PAGE2B: variants seen among roughly 807,000 people sequenced by gnomAD.
PAGE2B encodes the protein PAGE family member 2B.
In PAGE2B, 5 loss-of-function variants were observed where a neutral mutation model predicts 7.6. The ratio of observed to expected loss-of-function variants is 0.66; its 90% CI spans 0.34 to 1.38. The LOEUF is 1.38. Ranked by LOEUF, PAGE2B falls within the 40% of genes most tolerant of loss-of-function variation. The pLI, the probability that PAGE2B is intolerant of heterozygous loss-of-function variation, is 0.04. For missense variants in PAGE2B, 70 were observed against 78.4 expected, an observed-to-expected ratio of 0.89 and a Z score of 0.41; for synonymous variants, 29 against 26.7, an observed-to-expected ratio of 1.09 and a Z score of -0.27.
chrX:55,074,421 C>T (rs977773681), upstream of PAGE2B, among the ~76,000 whole-genome samples: 2 of 111,477 alleles, frequency 1.8e-5, no homozygotes, highest in Non-Finnish European at 3.8e-5. Flanking sequence ...ATAAACAACT[C>T]AATGGAAGAA....
upstream of PAGE2B, among the ~76,000 whole-genome samples, chrX:55,071,042 C>G (rs1448174362): frequency 8.9e-6 from 1 of 111,963 alleles, no homozygotes; most frequent in East Asian, 2.8e-4. Flanking sequence ...CATTTAAGGT[C>G]AATATTGTTA....
chrX:55,073,056 C>T (rs1260799946), upstream of PAGE2B, among the ~76,000 whole-genome samples: 1 of 111,315 alleles, frequency 9.0e-6, no homozygotes, highest in Non-Finnish European at 1.9e-5. Context: ...GGATTCAGCC[C>T]CCTTTCCAGG....
At chrX:55,065,026 C>T in the PAGE2B span, among the ~76,000 whole-genome samples, 1 of 111,713 alleles carries the variant, frequency 9.0e-6, no homozygotes, top group African/African-American at 3.3e-5. Context: ...TATTCTGAAG[C>T]TGTTGGATAA....
At chrX:55,042,174 A>G in the PAGE2B span, among the ~76,000 whole-genome samples, 418 of 110,889 alleles carry the variant, frequency 3.8e-3, 1 homozygote, top group Middle Eastern at 0.014. Flanking sequence ...TCCTCCAAAA[A>G]TCTCCTAGGA....
At chrX:55,048,986 A>T in the PAGE2B span, among the ~76,000 whole-genome samples, 2 of 111,783 alleles carry the variant, frequency 1.8e-5, no homozygotes, top group Non-Finnish European at 3.8e-5. Context: ...TCCCATCAAT[A>T]CCTAATTTAT....
the PAGE2B span, among the ~76,000 whole-genome samples, chrX:55,031,935 T>C: frequency 9.0e-6 from 1 of 111,672 alleles, no homozygotes; most frequent in Non-Finnish European, 1.9e-5. Flanking sequence ...TACATATTGA[T>C]TTGCAATTTC....
the PAGE2B span, among the ~76,000 whole-genome samples, chrX:55,051,006 G>A: frequency 7.2e-5 from 8 of 111,204 alleles, no homozygotes; most frequent in East Asian, 1.1e-3. Context: ...CAGGCCTGGC[G>A]GTGACAAAAT....
chrX:55,058,793 T>C, the PAGE2B span, among the ~76,000 whole-genome samples: 1 of 111,310 alleles, frequency 9.0e-6, no homozygotes, highest in Non-Finnish European at 1.9e-5. Flanking sequence ...GACTGTGTTT[T>C]TCTGCCTCCC....
At chrX:55,076,199 G>T in intron 2 of PAGE2B, 74 bp downstream of exon 2, 1 of 1,062,206 alleles carries the variant, frequency 9.4e-7, no homozygotes, top group Non-Finnish European at 1.3e-6. Flanking sequence ...TAGTGTACAC[G>T]CACTGATACA....
At chrX:55,070,194 A>G (rs60003119), upstream of PAGE2B, among the ~76,000 whole-genome samples, 8,676 of 110,993 alleles carry the variant, frequency 0.078, 792 homozygotes, top group African/African-American at 0.26. Context: ...ATTTCCCTCT[A>G]CACACTGCTT....
At chrX:55,075,536 G>A (rs1490286523) in intron 1 of PAGE2B, among the ~76,000 whole-genome samples, 1 of 111,052 alleles carries the variant, frequency 9.0e-6, no homozygotes, top group Non-Finnish European at 1.9e-5. Flanking sequence ...GGTCTGTAGA[G>A]TGCCTGGCAG....
the PAGE2B span, among the ~76,000 whole-genome samples, chrX:55,033,430 A>G: frequency 9.0e-6 from 1 of 111,203 alleles, no homozygotes; most frequent in African/African-American, 3.3e-5. Context: ...TTAGAGGAAA[A>G]TGTCTCATTT....
At chrX:55,052,633 G>T in the PAGE2B span, among the ~76,000 whole-genome samples, 14 of 112,934 alleles carry the variant, frequency 1.2e-4, no homozygotes, top group African/African-American at 4.5e-4. Context: ...ATCTCCTGGT[G>T]TGCCATTTGT....
chrX:55,065,361 A>C, the PAGE2B span, among the ~76,000 whole-genome samples: 2 of 111,432 alleles, frequency 1.8e-5, no homozygotes, highest in Non-Finnish European at 3.8e-5. Flanking sequence ...TGATATTAAG[A>C]TAGCTACTCC....
the PAGE2B span, among the ~76,000 whole-genome samples, chrX:55,051,867 TGGA>T: frequency 8.9e-6 from 1 of 112,305 alleles, no homozygotes; most frequent in Non-Finnish European, 1.9e-5. Flanking sequence ...TGCGTTCCTT[TGGA>T]GGAGGAGAGG....
the PAGE2B span, among the ~76,000 whole-genome samples, chrX:55,042,097 T>C: frequency 9.1e-6 from 1 of 110,095 alleles, no homozygotes; most frequent in Admixed American, 9.7e-5. Context: ...TCAAAATCAG[T>C]AAAGAGGACA....
chrX:55,038,124 C>T, the PAGE2B span, among the ~76,000 whole-genome samples: 23 of 110,502 alleles, frequency 2.1e-4, no homozygotes, highest in Admixed American at 2.2e-3. Flanking sequence ...CACATCCTCC[C>T]CTATCCCCAG....
chrX:55,042,821 A>G, the PAGE2B span, among the ~76,000 whole-genome samples: 5 of 109,885 alleles, frequency 4.6e-5, no homozygotes, highest in East Asian at 1.4e-3. Flanking sequence ...TACCATCATC[A>G]TTCTTCACAG....
the PAGE2B span, among the ~76,000 whole-genome samples, chrX:55,060,612 T>A: frequency 8.9e-6 from 1 of 111,908 alleles, no homozygotes; most frequent in Middle Eastern, 4.6e-3. Context: ...ATGCAAAAGC[T>A]TTTTACTTTG....
Sources: allele counts gnomAD v4.1 joint callset (sites outside exome capture counted in the v4.1 genomes callset), GRCh38; gene constraint gnomAD v4.1.1; transcripts MANE v1.5; gene names NCBI Gene and HGNC (gene_info 2026-07-23, HGNC 2026-07-21).